TOP6BL: variants seen among roughly 807,000 people sequenced by gnomAD.
TOP6BL encodes the protein type 2 DNA topoisomerase 6 subunit B-like.
the TOP6BL span, among the ~76,000 whole-genome samples, chr11:66,778,689 G>A: frequency 1.3e-5 from 2 of 152,044 alleles, no homozygotes; most frequent in Admixed American, 1.3e-4. Flanking sequence ...AACCAAAAAA[G>A]AACCCGCATT....
At chr11:66,770,564 C>A in the TOP6BL span, among the ~76,000 whole-genome samples, 862 of 152,114 alleles carry the variant, frequency 5.7e-3, 64 homozygotes, top group East Asian at 0.14. Flanking sequence ...ATTAGCTAGG[C>A]GTGGTGGCCG....
chr11:66,807,310 G>A, the TOP6BL span, among the ~76,000 whole-genome samples: 1 of 152,148 alleles, frequency 6.6e-6, no homozygotes, highest in East Asian at 1.9e-4. Flanking sequence ...GGTGGCTCAC[G>A]CCTGTAATCC....
At chr11:66,787,233 C>G in the TOP6BL span, among the ~76,000 whole-genome samples, 8 of 151,952 alleles carry the variant, frequency 5.3e-5, no homozygotes, top group South Asian at 1.7e-3. Context: ...CGTGCCCAGC[C>G]GATAGCTAGG....
chr11:66,798,868 T>C, the TOP6BL span, among the ~76,000 whole-genome samples: 1 of 151,180 alleles, frequency 6.6e-6, no homozygotes, highest in Admixed American at 6.6e-5. Flanking sequence ...GGTCAGGAGA[T>C]TGAGACCATC....
At chr11:66,751,622 C>G in the TOP6BL span, among the ~76,000 whole-genome samples, 1 of 151,936 alleles carries the variant, frequency 6.6e-6, no homozygotes, top group African/African-American at 2.4e-5. Flanking sequence ...TAAGCATGAG[C>G]CATTGTGCTC....
chr11:66,745,938 G>A, the TOP6BL span, among the ~76,000 whole-genome samples: 24 of 152,244 alleles, frequency 1.6e-4, no homozygotes, highest in African/African-American at 5.8e-4. Context: ...AGCCTCCCGA[G>A]TAGCTGGGAT....
the TOP6BL span, among the ~76,000 whole-genome samples, chr11:66,816,433 A>C: frequency 6.6e-6 from 1 of 152,222 alleles, no homozygotes; most frequent in South Asian, 2.1e-4. Context: ...GATACTTCAT[A>C]TATTGCTCCC....
the TOP6BL span, among the ~76,000 whole-genome samples, chr11:66,764,157 G>A: frequency 6.6e-6 from 1 of 152,120 alleles, no homozygotes; most frequent in Admixed American, 6.5e-5. Context: ...CTATTGTCCT[G>A]AAGAGTTTGC....
the TOP6BL span, among the ~76,000 whole-genome samples, chr11:66,824,213 C>G: frequency 6.6e-6 from 1 of 151,942 alleles, no homozygotes; most frequent in Non-Finnish European, 1.5e-5. Flanking sequence ...GGTCATTAGG[C>G]CTTCATGAAT....
chr11:66,841,978 TG>T, the TOP6BL span, among the ~76,000 whole-genome samples: 1 of 152,050 alleles, frequency 6.6e-6, no homozygotes, highest in African/African-American at 2.4e-5. Flanking sequence ...TTTGGGGAGC[TG>T]GGGCGGGAGG....
chr11:66,767,436 G>A, the TOP6BL span, among the ~76,000 whole-genome samples: 1 of 152,136 alleles, frequency 6.6e-6, no homozygotes, highest in South Asian at 2.1e-4. Context: ...AGTGGATGGA[G>A]GAATATGAAA....
the TOP6BL span, among the ~76,000 whole-genome samples, chr11:66,747,487 A>G: frequency 6.6e-6 from 1 of 151,878 alleles, no homozygotes; most frequent in Non-Finnish European, 1.5e-5. Context: ...CTGGGATTAC[A>G]GGCATGAGCC....
chr11:66,833,863 G>A, the TOP6BL span, among the ~76,000 whole-genome samples: 2 of 151,736 alleles, frequency 1.3e-5, no homozygotes, highest in African/African-American at 2.4e-5. Context: ...CATGAGAATC[G>A]CTTGAATCTA....
chr11:66,767,543 C>T, the TOP6BL span, among the ~76,000 whole-genome samples: 4 of 152,080 alleles, frequency 2.6e-5, no homozygotes, highest in Non-Finnish European at 5.9e-5. Flanking sequence ...CTTCTCATTT[C>T]CATGTTTATT....
At chr11:66,766,386 G>T in the TOP6BL span, among the ~76,000 whole-genome samples, 2 of 152,156 alleles carry the variant, frequency 1.3e-5, no homozygotes, top group African/African-American at 2.4e-5. Flanking sequence ...AATGACCATT[G>T]TAATCTCCCT....
chr11:66,831,149 CTGTT>C, the TOP6BL span, among the ~76,000 whole-genome samples: 144 of 152,302 alleles, frequency 9.5e-4, no homozygotes, highest in Admixed American at 4.8e-3. Flanking sequence ...CTCACATACA[CTGTT>C]TGTGGAAATG....
chr11:66,757,987 A>T, the TOP6BL span: 15 of 251,050 alleles, frequency 6.0e-5, no homozygotes, highest in African/African-American at 3.0e-4. Context: ...GTTGCCTCTC[A>T]CTCTAGTTCC....
the TOP6BL span, among the ~76,000 whole-genome samples, chr11:66,789,445 A>G: frequency 1.3e-5 from 2 of 152,114 alleles, no homozygotes; most frequent in Non-Finnish European, 2.9e-5. Context: ...GCCTTTCTCC[A>G]TGTTTGAATA....
chr11:66,766,337 C>T, the TOP6BL span, among the ~76,000 whole-genome samples: 1 of 152,150 alleles, frequency 6.6e-6, no homozygotes, highest in Non-Finnish European at 1.5e-5. Context: ...CAAATAGGCT[C>T]ATATTTCTGT....
Sources: gnomAD v4.1 joint callset for allele counts (sites outside exome capture counted in the v4.1 genomes callset) on GRCh38, gnomAD v4.1.1 for gene constraint, MANE v1.5 for transcripts, NCBI Gene and HGNC (gene_info 2026-07-23, HGNC 2026-07-21) for gene names.